Variants in NBR1 observed in about 807,000 individuals in gnomAD.
The protein encoded by NBR1 is NBR1 autophagy cargo receptor, also known as next to BRCA1 gene 1 protein.
In NBR1, 59 loss-of-function variants were observed where a neutral mutation model predicts 115.5. The ratio of observed to expected loss-of-function variants is 0.51; its 90% confidence interval spans 0.41 to 0.63. The LOEUF is 0.63. NBR1 is among the 30% of genes least tolerant of loss of function. The pLI, the probability that NBR1 is intolerant of heterozygous loss-of-function variation, is 0.00. For missense variants in NBR1, 1,043 were observed against 1,150.5 expected, an observed-to-expected ratio of 0.91 and a Z score of 1.35; for synonymous variants, 373 against 414.7, an observed-to-expected ratio of 0.90 and a Z score of 1.22.
chr17:43,197,087 C>G lies in NBR1; in HGVS notation c.2007C>G (p.Cys669Trp), dbSNP rs748693636. The change falls in exon 16 of 21, where the codon TGC (cysteine) becomes TGG (tryptophan). Residue 669 changes from cysteine to tryptophan, a missense_variant. Physicochemically the swap from Cys to Trp is radical, Grantham distance 215 (BLOSUM62 -2). Transcript: ENST00000590996. ...LDAAPDHNPP[C>W]RQKSLQMTFA... ...CTGCCCCAGACCACAACCCTCCTTG[C>G]AGACAGAAGTCCTTGCAGAGTGAGT... The G allele has an allele frequency of 1.2e-6, 2 of 1,613,792 alleles. No individual in the cohort carries two copies. Among genetic ancestry groups the G allele is most frequent in the East Asian group, 2.2e-5 (1 of 44,892 alleles).
In NBR1 at chr17:43,209,966, C is replaced by G. The variant is rs568001676; in HGVS notation, c.2793C>G (p.Asp931Glu). 6.2e-7 allele frequency: 1 copy of G among 1,610,552 alleles called. No homozygotes were observed. The highest frequency in any genetic ancestry group is 2.2e-5 in the East Asian group (1 of 44,760). ...ATCTCTTTGAAATGGGATTCTGTGA[C>G]AGGCAGCTGAACCTACGGCTGCTGA... ...MAHLFEMGFC[D>E]RQLNLRLLKK... The change falls in exon 21 of 21, where the codon GAC becomes GAG. Residue 931 changes from aspartate (D) to glutamate (E), a missense_variant. Transcript: ENST00000590996.
rs368202303 is a variant in NBR1, at chr17:43,196,923, A to C, written c.1862-19A>C. The C allele has an allele frequency of 1.6e-4, 257 of 1,613,442 alleles. No homozygotes were observed. Among genetic ancestry groups the C allele is most frequent in the Non-Finnish European group, 2.1e-4 (242 of 1,179,614 alleles). On this transcript the variant is annotated intron_variant, in intron 15 of 20. Transcript: ENST00000590996. Reference sequence around the variant, plus strand: ...GCACTTTAAACACCCAGTGCAGATAAGGTTCGTGTGTCTTTCAGATTCTAT... The same window carrying C: ...GCACTTTAAACACCCAGTGCAGATACGGTTCGTGTGTCTTTCAGATTCTAT...
At chr17:43,199,280 G>C (rs921821148) in intron 16 of NBR1, among the ~76,000 whole-genome samples, 1 of 151,236 alleles carries the variant, frequency 6.6e-6, no homozygotes, top group Non-Finnish European at 1.5e-5. Context: ...TCGCCACGTT[G>C]CCCAGGCTGG....
intron 9 of NBR1, 36 bp downstream of exon 9, chr17:43,190,812 T>C (rs2056928053): frequency 6.5e-7 from 1 of 1,542,046 alleles, no homozygotes; most frequent in Non-Finnish European, 8.7e-7. Context: ...TATTCTCTGA[T>C]TGACTTCTTG....
At chr17:43,206,039 G>A (rs771151250) in intron 20 of NBR1, among the ~76,000 whole-genome samples, 11 of 151,628 alleles carry the variant, frequency 7.3e-5, no homozygotes, top group Non-Finnish European at 1.0e-4. Flanking sequence ...TTAGCTAGGC[G>A]TGGTGACGTG....
At chr17:43,175,954 C>A in intron 2 of NBR1, 53 bp downstream of exon 2, 1 of 1,040,516 alleles carries the variant, frequency 9.6e-7, no homozygotes, top group Admixed American at 2.1e-5. Flanking sequence ...TTATTTTTTC[C>A]AAAGGTAGCT....
chr17:43,190,873 C>T, intron 9 of NBR1, 97 bp downstream of exon 9: 1 of 1,224,454 alleles, frequency 8.2e-7, no homozygotes, highest in Non-Finnish European at 1.1e-6. Flanking sequence ...CTCCTTAGTT[C>T]TGCTCATTTT....
At chr17:43,190,894 G>T in intron 9 of NBR1, 118 bp downstream of exon 9, 1 of 1,011,902 alleles carries the variant, frequency 9.9e-7, no homozygotes. Context: ...CAATTGATGT[G>T]CAATAATGAA....
chr17:43,194,622 AT>A, intron 13 of NBR1, 123 bp downstream of exon 13: 1 of 1,102,122 alleles, frequency 9.1e-7, no homozygotes, highest in Non-Finnish European at 1.3e-6. Flanking sequence ...AGTCAGGTAT[AT>A]TTAATGGGAA....
rs2056994921 is a variant in NBR1, at chr17:43,193,429, G to T, written c.1315G>T (p.Val439Leu). The T allele has an allele frequency of 6.2e-7, 1 of 1,614,002 alleles. No homozygotes were observed. The highest frequency in any genetic ancestry group is 8.5e-7 in the Non-Finnish European group (1 of 1,179,894). ...VLVPCLKAGH[V>L]GVVSVEFIAP... Reference sequence around the variant, plus strand: ...GGTTCCCTGCCTCAAGGCCGGCCATGTGGGAGTTGTATCTGTGGAGTTCAT... The same window carrying T: ...GGTTCCCTGCCTCAAGGCCGGCCATTTGGGAGTTGTATCTGTGGAGTTCAT... The change falls in exon 12 of 21, where the codon GTG (valine) becomes TTG (leucine). Residue 439 changes from valine to leucine, a missense_variant. By Grantham distance (32) the Val-to-Leu change is conservative (BLOSUM62 1). Transcript: ENST00000590996.
chr17:43,208,626 T>C (rs992860428), intron 20 of NBR1, among the ~76,000 whole-genome samples: 2 of 152,174 alleles, frequency 1.3e-5, no homozygotes, highest in African/African-American at 4.8e-5. Context: ...TAATAATCTT[T>C]CTGCTGCACA....
At chr17:43,201,538 A>G in intron 17 of NBR1, 148 bp from the exon 18 acceptor site, 1 of 620,332 alleles carries the variant, frequency 1.6e-6, no homozygotes, top group Non-Finnish European at 2.9e-6. Context: ...AGCCCTTATG[A>G]TGGAACCCTA....
chr17:43,194,245 A>G, intron 12 of NBR1, 105 bp from the exon 13 acceptor site: 1 of 1,038,394 alleles, frequency 9.6e-7, no homozygotes, highest in Non-Finnish European at 1.4e-6. Flanking sequence ...ATTGTTTTTT[A>G]AAATATGGAG....
chr17:43,198,742 A>G (rs2057124929), intron 16 of NBR1, among the ~76,000 whole-genome samples: 1 of 152,112 alleles, frequency 6.6e-6, no homozygotes, highest in Non-Finnish European at 1.5e-5. Flanking sequence ...TGGGCGGATC[A>G]TGAGGTCAGG....
intron 4 of NBR1, 117 bp downstream of exon 4, chr17:43,179,529 G>T: frequency 1.0e-6 from 1 of 967,316 alleles, no homozygotes; most frequent in Non-Finnish European, 1.6e-6. Flanking sequence ...ACATTGCACT[G>T]ATGGACATTA....
In NBR1 at chr17:43,189,772, G is replaced by A; in HGVS notation, c.665G>A (p.Arg222Lys). The part of the protein sequence containing the change: ...SWHIACNNCQ[R>K]RIVGVRYQCS... ...CATATTGCTTGCAACAACTGCCAAA[G>A]AAGGATTGTTGGTGTCCGCTACCAG... is the stretch of plus-strand genomic sequence containing the variant. Residue 222 changes from arginine to lysine, a missense_variant, in exon 8 of 21, where the codon AGA becomes AAA. By Grantham distance (26) the Arg-to-Lys change is conservative (BLOSUM62 2). Coordinates refer to ENST00000590996, the MANE Select transcript of NBR1 (RefSeq NM_005899.5). 1 of 1,613,906 alleles carries A rather than the reference G, an allele frequency of 6.2e-7. No individual in the cohort carries two copies. The highest frequency in any genetic ancestry group is 8.5e-7 in the Non-Finnish European group (1 of 1,179,888).
chr17:43,209,880 G>GTTTT, intron 20 of NBR1, 21 bp from the exon 21 acceptor site: 1 of 1,174,730 alleles, frequency 8.5e-7, no homozygotes, highest in South Asian at 2.5e-5. Context: ...TTTTTTTTTT[G>GTTTT]CTTTGCTTGT....
intron 3 of NBR1, among the ~76,000 whole-genome samples, chr17:43,178,899 A>G (rs1357782534): frequency 2.0e-5 from 3 of 151,846 alleles, no homozygotes; most frequent in Non-Finnish European, 4.4e-5. Context: ...GGTAGCTAGG[A>G]CATACCTCTC....
In NBR1 at chr17:43,175,821, A is replaced by T; in HGVS notation, c.22A>T (p.Asn8Tyr). ...CAGCATGGAACCACAGGTTACTCTA[A>T]ATGTGACTTTTAAAAATGAAATTCA... MEPQVTL[N>Y]VTFKNEIQSF... Residue 8 changes from asparagine to tyrosine, a missense_variant, in exon 2 of 21, where the codon AAT (asparagine) becomes TAT (tyrosine). Transcript: ENST00000590996. 1 of 1,599,162 alleles carries T rather than the reference A, an allele frequency of 6.3e-7. No individual in the cohort carries two copies. Among genetic ancestry groups the T allele is most frequent in the Non-Finnish European group, 8.5e-7 (1 of 1,170,078 alleles).
Sources: gnomAD v4.1 joint callset for allele counts (sites outside exome capture counted in the v4.1 genomes callset) on GRCh38, gnomAD v4.1.1 for gene constraint, MANE v1.5 for transcripts, NCBI Gene and HGNC (gene_info 2026-07-23, HGNC 2026-07-21) for gene names.